The following AGO4 variants were observed in gnomAD, a reference collection of about 807,000 sequenced individuals.
AGO4 encodes the protein protein argonaute-4.
AGO4 carries 33 observed loss-of-function variants against 104.7 expected under a neutral mutation model. The ratio of observed to expected loss-of-function variants is 0.32; its 90% CI spans 0.24 to 0.42. AGO4 has a LOEUF of 0.42. AGO4 is among the 10% of genes least tolerant of loss of function. The pLI, the probability that AGO4 is intolerant of heterozygous loss-of-function variation, is 1.00. For synonymous variants in AGO4, 331 were observed against 364.7 expected, an observed-to-expected ratio of 0.91 and a Z score of 1.05; for missense variants, 711 against 1,083.4, an observed-to-expected ratio of 0.66 and a Z score of 4.83.
intron 6 of AGO4, 89 bp downstream of exon 6, chr1:35,826,149 G>C (rs72659690): frequency 1.3e-6 from 2 of 1,521,174 alleles, no homozygotes; most frequent in Admixed American, 3.8e-5. Context: ...CCTGGGCTTC[G>C]GTCTCAGGCT....
At position 35,834,004 on chromosome 1, in the gene AGO4, A is replaced by AACTT. The variant is rs1644246848; in HGVS notation, c.1394_1395insACTT (p.Arg467AlafsTer3). 1 of 1,571,990 alleles carries AACTT rather than the reference A, an allele frequency of 6.4e-7. No homozygotes were observed. ...TATTTTAACAGGAGTTTCACTGACC[A>AACTT]GCTGCGTAAAATCTCTAAGGATGCA... On this transcript the variant is annotated frameshift_variant, in exon 12 of 18. Transcript: ENST00000373210. LOFTEE classifies it high-confidence loss of function.
chr1:35,819,902 T>C (rs543554197), intron 2 of AGO4, among the ~76,000 whole-genome samples: 2 of 151,966 alleles, frequency 1.3e-5, no homozygotes, highest in East Asian at 1.9e-4. Context: ...TTATTGATGA[T>C]AAAGCCATGA....
chr1:35,831,138 G>A (rs1644174521), intron 7 of AGO4, among the ~76,000 whole-genome samples: 1 of 152,026 alleles, frequency 6.6e-6, no homozygotes, highest in Admixed American at 6.6e-5. Flanking sequence ...GAGGTGGGCG[G>A]ATCACTTGAG....
chr1:35,818,666 A>AAGGAAGAAAGGAAGGAAGGAAGGAAGG (rs1553144595), intron 2 of AGO4, among the ~76,000 whole-genome samples: 2 of 79,686 alleles, frequency 2.5e-5, no homozygotes, highest in African/African-American at 1.0e-4. Flanking sequence ...AGAAAGGAAG[A>AAGGAAGAAAGGAAGGAAGGAAGGAAGG]AAGGAAGGAA....
rs569584430 is a variant in AGO4 at position 35,856,407 on chromosome 1, C to G, written c.*2802C>G. 6.6e-6 allele frequency: 1 copy of G among 152,326 alleles called. No individual in the cohort carries two copies. The highest frequency in any genetic ancestry group is 2.1e-4 in the South Asian group (1 of 4,830). The allele number at this position is 152,326 out of a possible 1,614,324, so 9.4% of individuals were successfully genotyped here. On this transcript the variant is annotated 3_prime_UTR_variant, in exon 18 of 18. Coordinates refer to ENST00000373210, the MANE Select transcript of AGO4 (RefSeq NM_017629.4). ...TCAATCAATGGGAGGTGTGCATTCT[C>G]TAGAAGTAGTTTTAGGCTGTTTGGT...
chr1:35,846,828 G>A (rs916859660), intron 15 of AGO4, among the ~76,000 whole-genome samples: 1 of 151,896 alleles, frequency 6.6e-6, no homozygotes, highest in African/African-American at 2.4e-5. Context: ...ATCCATGGGG[G>A]ATTGGTTCCA....
intron 1 of AGO4, among the ~76,000 whole-genome samples, chr1:35,810,027 CTT>C (rs369131487): frequency 2.6e-4 from 39 of 147,334 alleles, no homozygotes; most frequent in Non-Finnish European, 2.7e-4. Context: ...CCCAGGGACT[CTT>C]TTTTTTTTTT....
chr1:35,849,823 C>T (rs561751550), intron 15 of AGO4, among the ~76,000 whole-genome samples: 75 of 151,726 alleles, frequency 4.9e-4, no homozygotes, highest in African/African-American at 1.6e-3. Context: ...GAAAGTTTAT[C>T]TATCTTAAAT....
At chr1:35,839,645 C>CTTATGTTA (rs1644392794) in intron 13 of AGO4, among the ~76,000 whole-genome samples, 1 of 151,946 alleles carries the variant, frequency 6.6e-6, no homozygotes, top group African/African-American at 2.4e-5. Context: ...TGTGTGTTGC[C>CTTATGTTA]TATATATGTC....
At chr1:35,829,118 A>G (rs1006819610) in intron 7 of AGO4, among the ~76,000 whole-genome samples, 1 of 151,898 alleles carries the variant, frequency 6.6e-6, no homozygotes, top group Admixed American at 6.6e-5. Context: ...GTGCATATCA[A>G]AATCACCCAG....
In AGO4 at chr1:35,808,908, GGAA is replaced by G. The variant is rs1237568113; in HGVS notation, c.19+480_19+482del. 2.6e-5 allele frequency among the ~76,000 whole-genome samples: 4 copies of G among 152,224 alleles called. No homozygotes were observed. The highest frequency in any genetic ancestry group is 1.9e-4 in the East Asian group (1 of 5,190). On this transcript the variant is annotated intron_variant, in intron 1 of 17. Coordinates refer to ENST00000373210, the MANE Select transcript of AGO4 (RefSeq NM_017629.4). This position sits in a 1 kb window ranked among gnomAD's most constrained non-coding sequence, Gnocchi z 5.2. ...CAGATGGTCCAGAGCCTTCAGATGAGGAAGAAGAACTTCATCCAAACACCTCTC... is the reference window on the plus strand; with the variant it reads ...CAGATGGTCCAGAGCCTTCAGATGAGGAAGAACTTCATCCAAACACCTCTC...
intron 15 of AGO4, among the ~76,000 whole-genome samples, chr1:35,847,774 T>A (rs1314163740): frequency 6.6e-6 from 1 of 152,144 alleles, no homozygotes; most frequent in Non-Finnish European, 1.5e-5. Context: ...TTGTTTTTAA[T>A]TTTTTTCATA....
intron 7 of AGO4, 79 bp downstream of exon 7, chr1:35,826,914 G>A (rs1257928928): frequency 1.4e-6 from 2 of 1,464,714 alleles, no homozygotes; most frequent in Non-Finnish European, 1.9e-6. Flanking sequence ...TAAGAAATTG[G>A]TTATTGGCCG....
chr1:35,811,417 G>A (rs2148645841), intron 1 of AGO4, among the ~76,000 whole-genome samples: 1 of 149,360 alleles, frequency 6.7e-6, no homozygotes, highest in South Asian at 2.1e-4. Context: ...AGCCGAGATT[G>A]CGCCACTGCA....
rs938936575 is a variant in AGO4, at chr1:35,831,449, G to A, written c.871G>A (p.Gly291Ser). 42 of 1,608,876 alleles carry A rather than the reference G, an allele frequency of 2.6e-5. No individual in the cohort carries two copies. Among genetic ancestry groups the A allele is most frequent in the South Asian group, 2.0e-4 (18 of 89,244 alleles). ...TAGTTTTCCTTTGCAGCTAGAAAAC[G>A]GTCAAGCTATGGAATGTACAGTAGC... ...HQTFPLQLENGQAMECTVAQY... is the reference protein window; with the variant it reads ...HQTFPLQLENSQAMECTVAQY... The change falls in exon 8 of 18, where the codon GGT (glycine) becomes AGT (serine). Residue 291 changes from glycine (G) to serine (S), a missense_variant. Around this residue, in one of 3 missense-constraint regions of AGO4, gnomAD observed 308 missense variants for 397.8 expected, o/e 0.77. Transcript: ENST00000373210.
At chr1:35,850,103 C>A in intron 15 of AGO4, 54 bp from the exon 16 acceptor site, 1 of 1,287,176 alleles carries the variant, frequency 7.8e-7, no homozygotes. Flanking sequence ...AAAAAAATGG[C>A]CTGACCACAG....
rs575017815 is a variant in AGO4, at chr1:35,830,456, G to A, written c.849-971G>A. 1.4e-4 allele frequency among the ~76,000 whole-genome samples: 22 copies of A among 152,306 alleles called. No individual in the cohort carries two copies. The South Asian group carries it at 4.1e-3, about 29-fold the overall frequency. ...CTTTATGTTAATTTGAAGCCAGCAAGAGGTTGTATTTGTACCTGTAGGTGT... is the reference window on the plus strand; with the variant it reads ...CTTTATGTTAATTTGAAGCCAGCAAAAGGTTGTATTTGTACCTGTAGGTGT... On this transcript the variant is annotated intron_variant, in intron 7 of 17. Transcript: ENST00000373210.
chr1:35,831,547 A>G lies in AGO4; in HGVS notation c.969A>G (p.Glu323=). The G allele has an allele frequency of 6.2e-7, 1 of 1,612,940 alleles. No individual in the cohort carries two copies. The highest frequency in any genetic ancestry group is 8.5e-7 in the Non-Finnish European group (1 of 1,179,724). ...PHLPCLQVGQ[E]QKHTYLPLEV... is the part of the protein sequence containing the mutation. ...TTCCCTGTCTCCAAGTGGGACAAGA[A>G]CAAAAGCATACATACTTGCCACTCG... Residue 323 remains glutamate, a synonymous_variant, in exon 8 of 18, where the codon GAA becomes GAG. Transcript: ENST00000373210.
Position 35,841,711 on chromosome 1 carries a change from A to C in AGO4, c.2136A>C (p.Arg712Ser). The C allele has an allele frequency of 6.2e-7, 1 of 1,614,094 alleles. No homozygotes were observed. The highest frequency in any genetic ancestry group is 8.5e-7 in the Non-Finnish European group (1 of 1,179,976). The change falls in exon 15 of 18, where the codon AGA becomes AGC. Residue 712 changes from arginine (R) to serine (S), a missense_variant. Arg to Ser is a moderately radical substitution (Grantham distance 110). This residue lies in a region of AGO4 where 401 missense variants were observed against 665.5 expected (regional missense o/e 0.60). Coordinates refer to ENST00000373210, the MANE Select transcript of AGO4 (RefSeq NM_017629.4). This position sits in a 1 kb window ranked among gnomAD's most constrained non-coding sequence, Gnocchi z 4.7. The stretch of plus-strand genomic sequence containing the variant: ...TAACTTATATTGTGGTGCAAAAAAG[A>C]CATCACACACGACTCTTCTGTGCAG... Reference protein sequence around the residue: ...PGITYIVVQKRHHTRLFCADK... With the variant: ...PGITYIVVQKSHHTRLFCADK...
Sources: gnomAD v4.1 joint callset for allele counts (sites outside exome capture counted in the v4.1 genomes callset) on GRCh38, gnomAD v4.1.1 for gene constraint, gnomAD v4.1.1 regional missense constraint, Gnocchi (gnomAD v3.1) non-coding constraint, MANE v1.5 for transcripts, NCBI Gene and HGNC (gene_info 2026-07-23, HGNC 2026-07-21) for gene names.